ADAMTS14: variants seen among roughly 807,000 people sequenced by gnomAD.
ADAMTS14 encodes ADAM metallopeptidase with thrombospondin type 1 motif 14.
Under a neutral mutation model 128.6 loss-of-function variants are expected in ADAMTS14, and 100 were observed. The ratio of observed to expected loss-of-function variants is 0.78; its 90% CI spans 0.66 to 0.92. The LOEUF is 0.92. ADAMTS14 is among the 40% of genes least tolerant of loss of function. The pLI is 0.00. For synonymous variants in ADAMTS14, 665 were observed against 653.8 expected (o/e 1.02, Z -0.26); for missense variants, 1,562 against 1,658.6 (o/e 0.94, Z 1.01).
intron 2 of ADAMTS14, among the ~76,000 whole-genome samples, chr10:70,683,739 T>A (rs1466358004): frequency 6.6e-6 from 1 of 152,214 alleles, no homozygotes; most frequent in Non-Finnish European, 1.5e-5. Context: ...CACGTGGCTG[T>A]GCTCCGCTGA....
chr10:70,706,574 C>T lies in ADAMTS14; in HGVS notation c.680-2014C>T, dbSNP rs1840675141. 1.3e-5 allele frequency among the ~76,000 whole-genome samples: 2 copies of T among 152,214 alleles called. 1 individual carries two copies. Among genetic ancestry groups the T allele is most frequent in the South Asian group, 4.1e-4 (2 of 4,836 alleles). ...CCATTGGCTCAGACACCAGGGCCAC[C>T]AGAAGCTGCCTGCAGTGTGAGCTTA... On this transcript the variant is annotated intron_variant, in intron 3 of 21. Transcript: ENST00000373207.
Position 70,749,983 on chromosome 10 carries a change from C to T in ADAMTS14, c.2425C>T (p.Leu809=), listed in dbSNP as rs745734396. 30 of 1,613,750 alleles carry T rather than the reference C, an allele frequency of 1.9e-5. No individual in the cohort carries two copies. In the East Asian group the frequency reaches 6.5e-4, roughly 35 times the overall value. ...SGPLPEAIAI[L]ALPPTEGGPR... ...GCCCCTGCCTGAAGCCATTGCCATCCTGGTGAGCCCCACTCTGTGCGGTGG... is the reference window on the plus strand; with the variant it reads ...GCCCCTGCCTGAAGCCATTGCCATCTTGGTGAGCCCCACTCTGTGCGGTGG... The change falls in exon 16 of 22, where the codon CTG becomes TTG. Residue 809 remains leucine (L), a splice_region_variant and synonymous_variant. Coordinates refer to ENST00000373207, the MANE Select transcript of ADAMTS14 (RefSeq NM_080722.4).
chr10:70,732,376 C>A lies in ADAMTS14; in HGVS notation c.1208+17C>A. 2 of 1,601,062 alleles carry A rather than the reference C, an allele frequency of 1.2e-6. No homozygotes were observed. Among genetic ancestry groups the A allele is most frequent in the Non-Finnish European group, 1.7e-6 (2 of 1,169,018 alleles). On this transcript the variant is annotated intron_variant, in intron 7 of 21. Transcript: ENST00000373207. ...CGGCCACGTGTAAGTGGCAGCAGCA[C>A]GGTGGGTGGGACTGGCAGCTGTGCC...
chr10:70,725,806 C>T (rs1050243800), intron 4 of ADAMTS14, among the ~76,000 whole-genome samples: 3 of 152,298 alleles, frequency 2.0e-5, no homozygotes, highest in Admixed American at 6.5e-5. Context: ...TTGGTGGCCC[C>T]ACGTGGCTCA....
intron 2 of ADAMTS14, among the ~76,000 whole-genome samples, chr10:70,697,298 C>T (rs1488432798): frequency 2.6e-5 from 4 of 152,198 alleles, no homozygotes; most frequent in South Asian, 4.1e-4. Context: ...CTGGTCCAAG[C>T]GGCAGCAGGC....
rs746940189 is a variant in ADAMTS14 at position 70,709,495 on chromosome 10, G to GTTTTTTTT, written c.870+733_870+740dup. Among the ~76,000 whole-genome samples, 54 of 101,834 alleles carry GTTTTTTTT rather than the reference G, an allele frequency of 5.3e-4. 4 individuals are homozygous for GTTTTTTTT. Among genetic ancestry groups the GTTTTTTTT allele is most frequent in the East Asian group, 1.1e-3 (3 of 2,628 alleles). 66.8% of individuals were successfully genotyped at this position (101,834 alleles called of 152,430 possible). On this transcript the variant is annotated intron_variant, in intron 4 of 21. Transcript: ENST00000373207. ...CCAGATATTTAAGTGAACATTTCCA[G>GTTTTTTTT]TTTTTTTTTTTTTTTTTTTTTTTGA...
At chr10:70,690,504 T>C (rs547873145) in intron 2 of ADAMTS14, among the ~76,000 whole-genome samples, 1 of 145,658 alleles carries the variant, frequency 6.9e-6, no homozygotes, top group South Asian at 2.2e-4. Flanking sequence ...AACTTGTCTC[T>C]TGGCCACTGC....
At chr10:70,741,651 G>A (rs546383695) in intron 12 of ADAMTS14, among the ~76,000 whole-genome samples, 17 of 152,274 alleles carry the variant, frequency 1.1e-4, no homozygotes, top group Admixed American at 1.0e-3. Context: ...CAGCAGAGTC[G>A]ATGAGATGAT....
intron 2 of ADAMTS14, among the ~76,000 whole-genome samples, chr10:70,695,398 C>G (rs924895895): frequency 8.5e-5 from 13 of 152,078 alleles, no homozygotes; most frequent in African/African-American, 2.7e-4. Context: ...TTTGAAGAGT[C>G]CCTGCAGGAG....
intron 3 of ADAMTS14, among the ~76,000 whole-genome samples, chr10:70,704,540 T>A (rs1156891133): frequency 7.3e-6 from 1 of 137,018 alleles, no homozygotes; most frequent in Non-Finnish European, 1.6e-5. Context: ...CACTCACACA[T>A]AGACACACAC....
rs554734266 is a variant in ADAMTS14, at chr10:70,706,111, A to G, written c.680-2477A>G. On this transcript the variant is annotated intron_variant, in intron 3 of 21. Transcript: ENST00000373207. ...GCCCTGAGGGTTGTCTGCTCCTGTC[A>G]TCCTGAAGGATGAGGGACCCACAGA... 5.9e-5 allele frequency among the ~76,000 whole-genome samples: 9 copies of G among 152,208 alleles called. No individual in the cohort carries two copies. In the South Asian group the frequency reaches 1.9e-3, roughly 32 times the overall value.
intron 8 of ADAMTS14, 105 bp downstream of exon 8, chr10:70,734,133 A>G: frequency 6.9e-7 from 1 of 1,447,604 alleles, no homozygotes; most frequent in South Asian, 1.3e-5. Context: ...CCCTGGCTTG[A>G]CTCTTCCGTG....
intron 3 of ADAMTS14, among the ~76,000 whole-genome samples, chr10:70,704,331 G>T (rs1589279216): frequency 6.6e-6 from 1 of 151,986 alleles, no homozygotes; most frequent in Non-Finnish European, 1.5e-5. Context: ...GGCATGTGTG[G>T]GCCCACACAC....
chr10:70,703,462 T>C (rs1274180447), intron 3 of ADAMTS14, among the ~76,000 whole-genome samples: 1 of 152,110 alleles, frequency 6.6e-6, no homozygotes, highest in African/African-American at 2.4e-5. Flanking sequence ...CTCCAGTTGC[T>C]CTCCAAGTAT....
intron 2 of ADAMTS14, among the ~76,000 whole-genome samples, chr10:70,698,729 A>G (rs1382055457): frequency 6.6e-6 from 1 of 152,178 alleles, no homozygotes; most frequent in East Asian, 1.9e-4. Flanking sequence ...TATTCCTCAG[A>G]TTACGTAGGA....
intron 4 of ADAMTS14, among the ~76,000 whole-genome samples, chr10:70,712,731 A>AG (rs1331802043): frequency 6.6e-6 from 1 of 152,170 alleles, no homozygotes; most frequent in Non-Finnish European, 1.5e-5. Flanking sequence ...GATTCCGATA[A>AG]GGGGGAAAGA....
chr10:70,673,550 G>T (rs1271421775), intron 1 of ADAMTS14, among the ~76,000 whole-genome samples: 1 of 152,184 alleles, frequency 6.6e-6, no homozygotes. Context: ...CCTTGTTTGT[G>T]AGCCTTGTTC....
At chr10:70,759,084 G>C (rs921069517) in intron 21 of ADAMTS14, among the ~76,000 whole-genome samples, 15 of 128,718 alleles carry the variant, frequency 1.2e-4, no homozygotes, top group Admixed American at 4.4e-4. Context: ...TGTAAGATAA[G>C]GTTCTGACTA....
intron 4 of ADAMTS14, among the ~76,000 whole-genome samples, chr10:70,714,828 TC>T (rs142333960): frequency 0.029 from 4,348 of 151,452 alleles, 82 homozygotes; most frequent in Non-Finnish European, 0.045. Context: ...CGCCTGTAGT[TC>T]CAGCTGCTCG....
Sources: allele counts gnomAD v4.1 joint callset (sites outside exome capture counted in the v4.1 genomes callset), GRCh38; gene constraint gnomAD v4.1.1; transcripts MANE v1.5; gene names NCBI Gene and HGNC (gene_info 2026-07-23, HGNC 2026-07-21).